ATXN7L1: variants seen among roughly 807,000 people sequenced by gnomAD.
ATXN7L1 encodes the protein ataxin 7 like 1.
A neutral mutation model predicts 70.8 loss-of-function variants in ATXN7L1; 15 were observed. That is an observed-to-expected ratio of 0.21 (90% CI 0.14 to 0.33). The LOEUF is 0.33. ATXN7L1 is among the 10% of genes least tolerant of loss of function. The pLI is 1.00. For synonymous variants in ATXN7L1, 440 were observed against 445.1 expected (o/e 0.99, Z 0.14); for missense variants, 975 against 1,097.1 (o/e 0.89, Z 1.57).
intron 7 of ATXN7L1, among the ~76,000 whole-genome samples, chr7:105,634,696 G>A (rs1797108667): frequency 6.6e-6 from 1 of 152,126 alleles, no homozygotes; most frequent in South Asian, 2.1e-4. Flanking sequence ...AAGAAATGGA[G>A]GGGTTTTGTG....
At position 105,871,422 on chromosome 7, in the gene ATXN7L1, G is replaced by C. The variant is rs186054953; in HGVS notation, c.250+4390C>G. 1.1e-3 allele frequency among the ~76,000 whole-genome samples: 168 copies of C among 152,262 alleles called. 3 individuals are homozygous for C. The East Asian group carries it at 0.022, about 20-fold the overall frequency. ...ACCCAGGTGATGACAACATTCAAAA[G>C]TATTTGGGGCCAGGTGCAGTGGCTC... On this transcript the variant is annotated intron_variant, in intron 2 of 11. Transcript: ENST00000419735.
chr7:105,653,513 C>A (rs1047844868), intron 4 of ATXN7L1, among the ~76,000 whole-genome samples: 2 of 152,186 alleles, frequency 1.3e-5, no homozygotes, highest in African/African-American at 4.8e-5. Context: ...AGTTAGAAAC[C>A]AGCTCTTCCC....
At chr7:105,754,709 C>T (rs748355700) in intron 3 of ATXN7L1, among the ~76,000 whole-genome samples, 4 of 152,328 alleles carry the variant, frequency 2.6e-5, no homozygotes, top group South Asian at 2.1e-4. Flanking sequence ...ATCCTCTCCC[C>T]GTGGCCTCCC....
chr7:105,727,765 T>TATATATATATATA (rs1285150352), intron 3 of ATXN7L1, among the ~76,000 whole-genome samples: 1 of 92,654 alleles, frequency 1.1e-5, no homozygotes, highest in Non-Finnish European at 2.1e-5. Flanking sequence ...TATATATATA[T>TATATATATATATA]ATATATATAT....
At chr7:105,737,595 A>G (rs956620842) in intron 3 of ATXN7L1, among the ~76,000 whole-genome samples, 1 of 151,400 alleles carries the variant, frequency 6.6e-6, no homozygotes, top group African/African-American at 2.4e-5. Flanking sequence ...ATTTGACCAT[A>G]TAGGGTTAAG....
chr7:105,832,481 C>T (rs1323043435), intron 2 of ATXN7L1, among the ~76,000 whole-genome samples: 3 of 152,190 alleles, frequency 2.0e-5, no homozygotes, highest in African/African-American at 7.2e-5. Flanking sequence ...GGTGACGCCC[C>T]AGACCTCAGT....
At chr7:105,722,745 C>T (rs1254260990) in intron 3 of ATXN7L1, among the ~76,000 whole-genome samples, 1 of 151,146 alleles carries the variant, frequency 6.6e-6, no homozygotes, top group Admixed American at 6.6e-5. Flanking sequence ...ATTAGCTGGG[C>T]GTGGTGGCAT....
At chr7:105,852,188 A>G (rs755421295) in intron 2 of ATXN7L1, among the ~76,000 whole-genome samples, 16 of 152,022 alleles carry the variant, frequency 1.1e-4, no homozygotes, top group Non-Finnish European at 2.1e-4. Flanking sequence ...CCAGTTCTTT[A>G]TTGACAGGCA....
At chr7:105,779,495 C>T (rs566962281) in intron 3 of ATXN7L1, among the ~76,000 whole-genome samples, 66 of 152,238 alleles carry the variant, frequency 4.3e-4, no homozygotes, top group Non-Finnish European at 7.6e-4. Context: ...TAGATTCTCT[C>T]GGTTGTAATG....
rs1792783716 is a variant in ATXN7L1 at position 105,606,835 on chromosome 7, T to C, written c.*1017A>G. 1 of 152,222 alleles carries C rather than the reference T, an allele frequency of 6.6e-6. No individual in the cohort carries two copies. Among genetic ancestry groups the C allele is most frequent in the Non-Finnish European group, 1.5e-5 (1 of 68,048 alleles). The allele number at this position is 152,222 out of a possible 1,614,324, so 9.4% of individuals were successfully genotyped here. Reference sequence around the variant, plus strand: ...AAAAGGTTTGACACATACCCTTTTGTGGAAGCTCTCCCTGGGGGGCTCTTC... The same window carrying C: ...AAAAGGTTTGACACATACCCTTTTGCGGAAGCTCTCCCTGGGGGGCTCTTC... On this transcript the variant is annotated 3_prime_UTR_variant, in exon 12 of 12. Coordinates refer to ENST00000419735, the MANE Select transcript of ATXN7L1 (RefSeq NM_020725.2).
At chr7:105,707,012 C>T (rs1029998676) in intron 3 of ATXN7L1, among the ~76,000 whole-genome samples, 3 of 152,150 alleles carry the variant, frequency 2.0e-5, no homozygotes, top group South Asian at 4.1e-4. Flanking sequence ...GTTAATTCTC[C>T]GTTGGGTGGA....
At chr7:105,613,404 G>T in intron 10 of ATXN7L1, 1 of 866,904 alleles carries the variant, frequency 1.2e-6, no homozygotes, top group Non-Finnish European at 1.4e-6. Flanking sequence ...GTGGGACCCT[G>T]GGTCAGCATT....
At chr7:105,822,913 T>C (rs577360075) in intron 2 of ATXN7L1, among the ~76,000 whole-genome samples, 4 of 152,318 alleles carry the variant, frequency 2.6e-5, no homozygotes, top group Admixed American at 2.0e-4. Context: ...TTTCATAGTA[T>C]CACTAATGTA....
At chr7:105,796,004 G>A (rs1051856004) in intron 2 of ATXN7L1, among the ~76,000 whole-genome samples, 1 of 152,104 alleles carries the variant, frequency 6.6e-6, no homozygotes, top group Non-Finnish European at 1.5e-5. Context: ...AAAAAATTGG[G>A]GCTGTATTTA....
At chr7:105,739,743 G>A (rs1210053561) in intron 3 of ATXN7L1, among the ~76,000 whole-genome samples, 1 of 152,228 alleles carries the variant, frequency 6.6e-6, no homozygotes. Flanking sequence ...CACTGGGCCT[G>A]AGGAATCAGC....
intron 2 of ATXN7L1, among the ~76,000 whole-genome samples, chr7:105,810,038 T>C (rs1444606502): frequency 2.6e-5 from 4 of 152,166 alleles, no homozygotes; most frequent in Admixed American, 6.5e-5. Flanking sequence ...TCCCAAAGTG[T>C]TGAGACTACA....
At chr7:105,638,928 G>C (rs747472633) in intron 6 of ATXN7L1, among the ~76,000 whole-genome samples, 28 of 152,182 alleles carry the variant, frequency 1.8e-4, no homozygotes, top group Non-Finnish European at 4.0e-4. Flanking sequence ...TCCAGGTGCA[G>C]GTGGGAGGCT....
At chr7:105,619,333 A>T (rs1383849536) in intron 9 of ATXN7L1, among the ~76,000 whole-genome samples, 3 of 144,696 alleles carry the variant, frequency 2.1e-5, no homozygotes, top group Non-Finnish European at 4.5e-5. Flanking sequence ...TTTTTAGTAG[A>T]GACGGGGGTT....
chr7:105,753,193 C>A (rs185480874), intron 3 of ATXN7L1, among the ~76,000 whole-genome samples: 5 of 152,234 alleles, frequency 3.3e-5, no homozygotes, highest in African/African-American at 1.2e-4. Context: ...GAGATAGGGG[C>A]GGTTGTAGAA....
Sources: gnomAD v4.1 joint callset for allele counts (sites outside exome capture counted in the v4.1 genomes callset) on GRCh38, gnomAD v4.1.1 for gene constraint, MANE v1.5 for transcripts, NCBI Gene and HGNC (gene_info 2026-07-23, HGNC 2026-07-21) for gene names.